The following LRIF1 variants were observed in gnomAD, a reference collection of about 807,000 sequenced individuals.
LRIF1 encodes ligand-dependent nuclear receptor-interacting factor 1.
In LRIF1, 32 loss-of-function variants were observed where a neutral mutation model predicts 52.7. The ratio of observed to expected loss-of-function variants is 0.61; its 90% CI spans 0.46 to 0.82. The LOEUF is 0.82. Among genes scored for constraint, LRIF1 ranks in the 40% least tolerant of loss-of-function variants. LRIF1 has a pLI of 0.00. For synonymous variants in LRIF1, 323 were observed against 317.4 expected, an observed-to-expected ratio of 1.02 and a Z score of -0.19; for missense variants, 887 against 892.0, an observed-to-expected ratio of 0.99 and a Z score of 0.07.
intron 3 of LRIF1, among the ~76,000 whole-genome samples, chr1:110,949,221 G>A (rs191433554): frequency 6.6e-6 from 1 of 151,930 alleles, no homozygotes; most frequent in African/African-American, 2.4e-5. Flanking sequence ...GGGTTCAAGC[G>A]ATTCTCCTGC....
intron 1 of LRIF1, among the ~76,000 whole-genome samples, chr1:110,958,273 ATTATT>A (rs1208547139): frequency 6.6e-6 from 1 of 152,186 alleles, no homozygotes; most frequent in African/African-American, 2.4e-5. Flanking sequence ...TCAAAGTATT[ATTATT>A]TTTCTTCTCC....
the LRIF1 span, among the ~76,000 whole-genome samples, chr1:110,905,450 T>C: frequency 6.6e-6 from 1 of 151,824 alleles, no homozygotes; most frequent in Admixed American, 6.6e-5. Context: ...GACTTCTCGG[T>C]GGAAACCTTA....
chr1:110,955,611 A>T (rs1658664005), intron 1 of LRIF1, among the ~76,000 whole-genome samples: 1 of 152,196 alleles, frequency 6.6e-6, no homozygotes, highest in African/African-American at 2.4e-5. Context: ...AAAAATGTAC[A>T]CTGAAAACAG....
chr1:110,905,935 T>C, the LRIF1 span, among the ~76,000 whole-genome samples: 1 of 152,194 alleles, frequency 6.6e-6, no homozygotes, highest in Non-Finnish European at 1.5e-5. Flanking sequence ...CTTTTTGCTT[T>C]TTTTAAATGC....
intron 2 of LRIF1, 83 bp downstream of exon 2, chr1:110,951,201 GAGGT>G (rs1231160953): frequency 9.2e-7 from 1 of 1,086,408 alleles, no homozygotes; most frequent in Non-Finnish European, 1.3e-6. Context: ...GTGGGGGAAA[GAGGT>G]ATCATAGATA....
intron 1 of LRIF1, among the ~76,000 whole-genome samples, chr1:110,961,737 A>G (rs1018071183): frequency 2.6e-5 from 4 of 152,150 alleles, no homozygotes; most frequent in African/African-American, 9.7e-5. Context: ...GAAAAATAAG[A>G]AAACTAAGTT....
intron 1 of LRIF1, among the ~76,000 whole-genome samples, chr1:110,961,214 T>C (rs981786592): frequency 2.0e-5 from 3 of 152,170 alleles, no homozygotes; most frequent in Non-Finnish European, 2.9e-5. Flanking sequence ...TCTACTTTCC[T>C]CCTCCTCCAC....
the LRIF1 span, among the ~76,000 whole-genome samples, chr1:110,907,815 A>T: frequency 1.3e-5 from 2 of 152,162 alleles, no homozygotes; most frequent in African/African-American, 4.8e-5. Flanking sequence ...CCACTCACAC[A>T]CACCAACCCA....
the LRIF1 span, among the ~76,000 whole-genome samples, chr1:110,881,081 G>A: frequency 6.6e-6 from 1 of 152,202 alleles, no homozygotes; most frequent in East Asian, 1.9e-4. Context: ...GTTGCCATGA[G>A]TGTGGAGTGA....
At chr1:110,882,792 G>C in the LRIF1 span, among the ~76,000 whole-genome samples, 1 of 151,944 alleles carries the variant, frequency 6.6e-6, no homozygotes, top group Non-Finnish European at 1.5e-5. Flanking sequence ...ACTTTTGTCA[G>C]ATTTATGCCT....
At chr1:110,954,439 C>G (rs1041983794) in intron 1 of LRIF1, among the ~76,000 whole-genome samples, 2 of 152,126 alleles carry the variant, frequency 1.3e-5, no homozygotes, top group Admixed American at 1.3e-4. Context: ...CGCCACCAAA[C>G]CCGGCTAATT....
At chr1:110,908,640 T>A in the LRIF1 span, among the ~76,000 whole-genome samples, 1 of 151,820 alleles carries the variant, frequency 6.6e-6, no homozygotes. Context: ...AAGGAAAGAA[T>A]CTCAGAACTC....
At chr1:110,891,771 G>A in the LRIF1 span, among the ~76,000 whole-genome samples, 2 of 152,290 alleles carry the variant, frequency 1.3e-5, no homozygotes, top group South Asian at 4.1e-4. Flanking sequence ...CTGTGCTCTG[G>A]ATATTGAGTG....
In LRIF1 at chr1:110,952,557, T is replaced by G. The variant is rs777011270; in HGVS notation, c.327A>C (p.Thr109=). The change falls in exon 2 of 4, where the codon ACA becomes ACC. Residue 109 remains threonine (T), a synonymous_variant. Transcript: ENST00000369763. The part of the protein sequence containing the change: ...QPASSSNYFL[T]RTVDTSEKGR... ...CTTTTTCTGATGTATCTACTGTTCT[T>G]GTAAGAAAATAGTTTGAAGAACTGG... 1 of 1,613,916 alleles carries G rather than the reference T, an allele frequency of 6.2e-7. No homozygotes were observed.
chr1:110,886,955 T>C, the LRIF1 span, among the ~76,000 whole-genome samples: 94,600 of 148,602 alleles, frequency 0.64, 32,206 homozygotes, highest in Non-Finnish European at 0.76. Flanking sequence ...CAATATCTAA[T>C]CTGCCATTAA....
In LRIF1 at chr1:110,951,721, T is replaced by C; in HGVS notation, c.1163A>G (p.Asp388Gly). ...TAACGTGTCTTTTCTTACTGGAGTA[T>C]CAGGAGAAACAGAATTCTGTTGGTC... Reference protein sequence around the residue: ...QIDQQNSVSPDTPVRKDTLQT... With the variant: ...QIDQQNSVSPGTPVRKDTLQT... The change falls in exon 2 of 4, where the codon GAT becomes GGT. Residue 388 changes from aspartate to glycine, a missense_variant. Physicochemically the swap from Asp to Gly is moderately conservative, Grantham distance 94. Transcript: ENST00000369763. 1 of 1,613,928 alleles carries C rather than the reference T, an allele frequency of 6.2e-7. No homozygotes were observed. Among genetic ancestry groups the C allele is most frequent in the South Asian group, 1.1e-5 (1 of 91,086 alleles).
chr1:110,930,713 A>C, the LRIF1 span, among the ~76,000 whole-genome samples: 1 of 152,234 alleles, frequency 6.6e-6, no homozygotes, highest in Admixed American at 6.5e-5. Context: ...CATTCAGTCC[A>C]TAACAGAAGG....
At chr1:110,958,817 C>A (rs959041270) in intron 1 of LRIF1, among the ~76,000 whole-genome samples, 1 of 152,246 alleles carries the variant, frequency 6.6e-6, no homozygotes, top group Non-Finnish European at 1.5e-5. Context: ...GGAAATTGCA[C>A]ACAATAATGT....
In LRIF1 at chr1:110,951,914, T is replaced by C. The variant is rs1381712099; in HGVS notation, c.970A>G (p.Arg324Gly). 5.0e-6 allele frequency: 8 copies of C among 1,614,116 alleles called. No individual in the cohort carries two copies. The Admixed American group carries it at 1.0e-4, about 20-fold the overall frequency. Residue 324 changes from arginine to glycine, a missense_variant, in exon 2 of 4, where the codon AGG (arginine) becomes GGG (glycine). Arg to Gly is a moderately radical substitution (Grantham distance 125). Transcript: ENST00000369763. ...ATAGTATTATCTCCCAAATTTTTCC[T>C]ATCTACAAAAGTTTTTAAAATCTTT... The part of the protein sequence containing the change: ...ASKILKTFVD[R>G]KNLGDNTINM...
Sources: allele counts gnomAD v4.1 joint callset (sites outside exome capture counted in the v4.1 genomes callset), GRCh38; gene constraint gnomAD v4.1.1; transcripts MANE v1.5; gene names NCBI Gene and HGNC (gene_info 2026-07-23, HGNC 2026-07-21).